Variants in GHR observed in about 807,000 individuals in gnomAD.
GHR encodes GH receptor.
In GHR, 35 loss-of-function variants were observed where a neutral mutation model predicts 67.1. The observed-to-expected ratio is 0.52, with a 90% CI of 0.40 to 0.69. The LOEUF is 0.69. GHR is among the 30% of genes least tolerant of loss of function. GHR has a pLI of 0.00. For synonymous variants in GHR, 272 were observed against 269.1 expected (o/e 1.01, Z -0.10); for missense variants, 792 against 764.6 (o/e 1.04, Z -0.42).
At chr5:42,498,032 G>A (rs998992277) in intron 1 of GHR, among the ~76,000 whole-genome samples, 20 of 152,094 alleles carry the variant, frequency 1.3e-4, no homozygotes, top group Non-Finnish European at 1.9e-4. Flanking sequence ...AATATTTTGC[G>A]TTAGAAGAGC....
In GHR at chr5:42,429,021, C is replaced by T. The variant is rs536032135; in HGVS notation, c.-12+5066C>T. 1.2e-3 allele frequency among the ~76,000 whole-genome samples: 179 copies of T among 152,290 alleles called. 4 individuals are homozygous for T. Among genetic ancestry groups the T allele is most frequent in the Non-Finnish European group, 6.2e-4 (42 of 68,026 alleles). On this transcript the variant is annotated intron_variant, in intron 1 of 9. Transcript: ENST00000230882. Reference sequence around the variant, plus strand: ...TCCACATTTTTGGGTATCTTTACAGCAGCACCAACTCTACCATTACCAACT... The same window carrying T: ...TCCACATTTTTGGGTATCTTTACAGTAGCACCAACTCTACCATTACCAACT...
chr5:42,468,348 C>CT (rs1231659566), intron 1 of GHR: 4 of 1,529,532 alleles, frequency 2.6e-6, no homozygotes, highest in Non-Finnish European at 3.6e-6. Context: ...AGGGGAACGC[C>CT]TATAGCTGGG....
At chr5:42,498,273 C>G (rs1342496161) in intron 1 of GHR, among the ~76,000 whole-genome samples, 2 of 152,176 alleles carry the variant, frequency 1.3e-5, no homozygotes, top group Non-Finnish European at 2.9e-5. Flanking sequence ...CAGAAGCCTG[C>G]TTTGAAAGTG....
intron 2 of GHR, among the ~76,000 whole-genome samples, chr5:42,587,558 C>G (rs1161026406): frequency 6.6e-6 from 1 of 152,186 alleles, no homozygotes; most frequent in Admixed American, 6.5e-5. Flanking sequence ...TCCTTCTTCC[C>G]TGGGAGTCCT....
intron 4 of GHR, among the ~76,000 whole-genome samples, chr5:42,693,536 T>C (rs998590444): frequency 2.0e-5 from 3 of 152,132 alleles, no homozygotes; most frequent in African/African-American, 4.8e-5. Flanking sequence ...TTCCAACAGC[T>C]GAGGAGCAGC....
intron 1 of GHR, among the ~76,000 whole-genome samples, chr5:42,476,203 T>A (rs548897357): frequency 6.8e-6 from 1 of 148,120 alleles, no homozygotes; most frequent in Non-Finnish European, 1.5e-5. Flanking sequence ...GCGCCCGGCT[T>A]TTTGTTGTGT....
chr5:42,427,384 G>T (rs186090763), intron 1 of GHR, among the ~76,000 whole-genome samples: 2 of 152,322 alleles, frequency 1.3e-5, no homozygotes, highest in African/African-American at 4.8e-5. Context: ...CAGGGGAACT[G>T]CCCTTTATAG....
intron 3 of GHR, among the ~76,000 whole-genome samples, chr5:42,666,790 G>C (rs142941170): frequency 4.7e-4 from 72 of 152,232 alleles, no homozygotes; most frequent in Non-Finnish European, 5.9e-4. Flanking sequence ...ACAATCCCCA[G>C]GTGATGCTTG....
intron 2 of GHR, among the ~76,000 whole-genome samples, chr5:42,611,434 C>T (rs1188803268): frequency 6.6e-6 from 1 of 152,100 alleles, no homozygotes; most frequent in African/African-American, 2.4e-5. Flanking sequence ...CTTGCTTACC[C>T]ACCACTATCT....
At chr5:42,662,982 C>G (rs1755732482) in intron 3 of GHR, among the ~76,000 whole-genome samples, 2 of 152,164 alleles carry the variant, frequency 1.3e-5, no homozygotes, top group South Asian at 4.1e-4. Context: ...CACAAATAAA[C>G]TAGAAAATCT....
At chr5:42,576,971 C>T (rs1227825361) in intron 2 of GHR, among the ~76,000 whole-genome samples, 3 of 152,166 alleles carry the variant, frequency 2.0e-5, no homozygotes, top group African/African-American at 7.2e-5. Flanking sequence ...TCAGTAGAGA[C>T]CAATCTCCTC....
At chr5:42,463,418 T>C (rs1284842554) in intron 1 of GHR, among the ~76,000 whole-genome samples, 1 of 152,214 alleles carries the variant, frequency 6.6e-6, no homozygotes, top group Non-Finnish European at 1.5e-5. Flanking sequence ...TAATTAGATA[T>C]TTAAGTCCTG....
At position 42,471,878 on chromosome 5, in the gene GHR, G is replaced by A. The variant is rs532682137; in HGVS notation, c.-12+47923G>A. Among the ~76,000 whole-genome samples the A allele has an allele frequency of 5.9e-5, 9 of 152,198 alleles. No homozygotes were observed. The South Asian group carries it at 1.0e-3, about 18-fold the overall frequency. On this transcript the variant is annotated intron_variant, in intron 1 of 9. Coordinates refer to ENST00000230882, the MANE Select transcript of GHR (RefSeq NM_000163.5). ...CTAATGGAGAACTATAGCTCTTAAG[G>A]GTGATGTGGGGAGAAATACACTGAT...
At chr5:42,645,471 C>T (rs940384606) in intron 3 of GHR, among the ~76,000 whole-genome samples, 1 of 152,160 alleles carries the variant, frequency 6.6e-6, no homozygotes, top group Non-Finnish European at 1.5e-5. Context: ...AACCAATAGG[C>T]TTTTTATTTA....
At chr5:42,470,739 T>C (rs1202040871) in intron 1 of GHR, among the ~76,000 whole-genome samples, 7 of 152,154 alleles carry the variant, frequency 4.6e-5, no homozygotes, top group Non-Finnish European at 7.4e-5. Flanking sequence ...TAAATGGAAA[T>C]GTTCCCCTGG....
At chr5:42,551,051 A>G (rs1212200737) in intron 1 of GHR, among the ~76,000 whole-genome samples, 1 of 152,166 alleles carries the variant, frequency 6.6e-6, no homozygotes, top group Non-Finnish European at 1.5e-5. Context: ...TCTGGCTGAC[A>G]TTATATCCAC....
At chr5:42,527,748 A>C (rs1167384564) in intron 1 of GHR, among the ~76,000 whole-genome samples, 1 of 152,314 alleles carries the variant, frequency 6.6e-6, no homozygotes, top group Non-Finnish European at 1.5e-5. Flanking sequence ...AAATAACAAA[A>C]TATACATTCT....
chr5:42,531,362 T>C (rs1033180903), intron 1 of GHR, among the ~76,000 whole-genome samples: 2 of 152,170 alleles, frequency 1.3e-5, no homozygotes, highest in Non-Finnish European at 2.9e-5. Context: ...TTCTCGATGG[T>C]TAGAACTTAT....
chr5:42,457,192 G>A (rs1011674092), intron 1 of GHR, among the ~76,000 whole-genome samples: 1 of 152,168 alleles, frequency 6.6e-6, no homozygotes, highest in Non-Finnish European at 1.5e-5. Flanking sequence ...GGTGAAAAAG[G>A]CTGAGTGTGT....
Sources: allele counts gnomAD v4.1 joint callset (sites outside exome capture counted in the v4.1 genomes callset), GRCh38; gene constraint gnomAD v4.1.1; transcripts MANE v1.5; gene names NCBI Gene and HGNC (gene_info 2026-07-23, HGNC 2026-07-21).